Variants in TOX observed in about 807,000 individuals in gnomAD.
The protein encoded by TOX is thymocyte selection associated high mobility group box, also known as thymocyte selection-associated high mobility group box protein TOX.
Under a neutral mutation model 53.7 loss-of-function variants are expected in TOX, and 11 were observed. The ratio of observed to expected loss-of-function variants is 0.20; its 90% CI spans 0.13 to 0.34. TOX has a LOEUF of 0.34. Ranked by LOEUF, TOX falls within the 10% of genes least tolerant of loss-of-function variation. The pLI, the probability that TOX is intolerant of heterozygous loss-of-function variation, is 1.00. For missense variants in TOX, 570 were observed against 664.6 expected, an observed-to-expected ratio of 0.86 and a Z score of 1.56; for synonymous variants, 225 against 245.3, an observed-to-expected ratio of 0.92 and a Z score of 0.77.
At chr8:58,846,658 A>G (rs960230580) in intron 4 of TOX, among the ~76,000 whole-genome samples, 4 of 152,160 alleles carry the variant, frequency 2.6e-5, no homozygotes, top group Non-Finnish European at 5.9e-5. Flanking sequence ...GCAAATTAGT[A>G]ACAAACTCTT....
At chr8:58,832,697 C>G (rs774634948) in intron 5 of TOX, among the ~76,000 whole-genome samples, 2 of 152,180 alleles carry the variant, frequency 1.3e-5, no homozygotes, top group Non-Finnish European at 2.9e-5. Flanking sequence ...ACTATTTACA[C>G]TTGCCACTTC....
rs187277449 is a variant in TOX at position 58,998,402 on chromosome 8, T to C, written c.103-38394A>G. Among the ~76,000 whole-genome samples the C allele has an allele frequency of 1.3e-3, 195 of 148,002 alleles. No homozygotes were observed. The Middle Eastern group carries it at 0.018, about 14-fold the overall frequency. ...TACTCTGGAGGCTGAGACAGGAAAATCGCTTGCAACCAGGAGGCAGAGGTT... is the reference window on the plus strand; with the variant it reads ...TACTCTGGAGGCTGAGACAGGAAAACCGCTTGCAACCAGGAGGCAGAGGTT... On this transcript the variant is annotated intron_variant, in intron 1 of 8. Coordinates refer to ENST00000361421, the MANE Select transcript of TOX (RefSeq NM_014729.3).
chr8:58,890,408 C>T (rs1054685414), intron 3 of TOX, among the ~76,000 whole-genome samples: 2 of 152,010 alleles, frequency 1.3e-5, no homozygotes, highest in Non-Finnish European at 2.9e-5. Flanking sequence ...AAGCAGAAGT[C>T]GGGAAAGTAG....
intron 3 of TOX, among the ~76,000 whole-genome samples, chr8:58,887,951 T>C (rs1811499845): frequency 6.6e-6 from 1 of 152,076 alleles, no homozygotes; most frequent in Non-Finnish European, 1.5e-5. Context: ...AAACACCATA[T>C]AATGTACTTA....
chr8:58,874,980 C>T (rs1235239022), intron 3 of TOX, among the ~76,000 whole-genome samples: 1 of 152,236 alleles, frequency 6.6e-6, no homozygotes, highest in Non-Finnish European at 1.5e-5. Flanking sequence ...TCCTGGGCCA[C>T]ATGTGGCCTG....
At chr8:58,843,966 A>C (rs562823765) in intron 4 of TOX, among the ~76,000 whole-genome samples, 2 of 152,326 alleles carry the variant, frequency 1.3e-5, no homozygotes, top group Non-Finnish European at 2.9e-5. Flanking sequence ...TATGACCACA[A>C]ACTATTTGGG....
At position 58,905,502 on chromosome 8, in the gene TOX, T is replaced by G. The variant is rs75253505; in HGVS notation, c.411+33800A>C. Among the ~76,000 whole-genome samples the G allele has an allele frequency of 2.6e-5, 4 of 152,228 alleles. 1 individual carries two copies. The South Asian group carries it at 8.3e-4, about 31-fold the overall frequency. On this transcript the variant is annotated intron_variant, in intron 3 of 8. Coordinates refer to ENST00000361421, the MANE Select transcript of TOX (RefSeq NM_014729.3). ...AAATGGAAAATACTTCCAACACTTA[T>G]GCTGTCAGAGAGTGACCATGGTCAT...
At chr8:59,054,341 A>G (rs1035943966) in intron 1 of TOX, among the ~76,000 whole-genome samples, 3 of 152,208 alleles carry the variant, frequency 2.0e-5, no homozygotes, top group Non-Finnish European at 4.4e-5. Context: ...AGGCAAGAAA[A>G]CATTTTCAAC....
chr8:58,838,865 C>T (rs1275055843), intron 4 of TOX, among the ~76,000 whole-genome samples: 1 of 151,928 alleles, frequency 6.6e-6, no homozygotes, highest in Non-Finnish European at 1.5e-5. Flanking sequence ...CCACACCTGG[C>T]TAATTTTTTG....
chr8:59,048,000 C>T (rs1803720368), intron 1 of TOX, among the ~76,000 whole-genome samples: 1 of 152,086 alleles, frequency 6.6e-6, no homozygotes, highest in Admixed American at 6.5e-5. Flanking sequence ...GTTAGCAGTC[C>T]TTGATTATTA....
intron 1 of TOX, among the ~76,000 whole-genome samples, chr8:59,029,250 C>T (rs1293316596): frequency 3.3e-5 from 5 of 149,384 alleles, no homozygotes; most frequent in Middle Eastern, 6.8e-3. Context: ...ATGACTTCCA[C>T]TGCCACAAAA....
At chr8:59,047,290 C>T (rs1287057313) in intron 1 of TOX, among the ~76,000 whole-genome samples, 1 of 139,906 alleles carries the variant, frequency 7.1e-6, no homozygotes, top group Non-Finnish European at 1.5e-5. Flanking sequence ...GATCTCGGCT[C>T]ACTGCAAGCT....
At chr8:58,902,371 C>T (rs181641591) in intron 3 of TOX, among the ~76,000 whole-genome samples, 54 of 152,268 alleles carry the variant, frequency 3.5e-4, no homozygotes, top group Admixed American at 5.9e-4. Flanking sequence ...TGATCCAAGT[C>T]AGCAGTTCTA....
chr8:58,950,871 G>C (rs558827060), intron 2 of TOX, among the ~76,000 whole-genome samples: 5 of 152,258 alleles, frequency 3.3e-5, no homozygotes, highest in Admixed American at 6.5e-5. Context: ...GACAAGGGGA[G>C]GGAGGAATCA....
rs184294908 is a variant in TOX at position 59,112,244 on chromosome 8, T to C, written c.102+6642A>G. 3.1e-4 allele frequency among the ~76,000 whole-genome samples: 47 copies of C among 152,288 alleles called. 2 individuals are homozygous for C. Among genetic ancestry groups the C allele is most frequent in the Admixed American group, 2.5e-3 (38 of 15,282 alleles). On this transcript the variant is annotated intron_variant, in intron 1 of 8. Transcript: ENST00000361421. ...AAAATGAATGCTGTAGGGAGAAACA[T>C]GTTATAACCAGGAAAAGCTCATTCA...
chr8:59,021,426 T>C (rs1286954430), intron 1 of TOX, among the ~76,000 whole-genome samples: 1 of 142,184 alleles, frequency 7.0e-6, no homozygotes, highest in African/African-American at 2.6e-5. Context: ...AAAAGGTCAC[T>C]TGTTAAATTT....
intron 3 of TOX, among the ~76,000 whole-genome samples, chr8:58,870,545 T>G (rs1811180719): frequency 6.6e-6 from 1 of 152,100 alleles, no homozygotes; most frequent in African/African-American, 2.4e-5. Context: ...GTTTTGAAAT[T>G]TATATGGAAA....
intron 1 of TOX, among the ~76,000 whole-genome samples, chr8:59,018,486 C>T (rs1366625861): frequency 2.0e-5 from 3 of 152,124 alleles, no homozygotes; most frequent in Admixed American, 1.3e-4. Context: ...TAGTATGTCA[C>T]GCTCCAATAG....
intron 7 of TOX, among the ~76,000 whole-genome samples, chr8:58,811,314 G>A (rs1412459322): frequency 1.3e-5 from 2 of 152,186 alleles, no homozygotes; most frequent in Admixed American, 1.3e-4. Flanking sequence ...CTGTTTTGTA[G>A]CATGCCTGGA....
Sources: allele counts gnomAD v4.1 joint callset (sites outside exome capture counted in the v4.1 genomes callset), GRCh38; gene constraint gnomAD v4.1.1; transcripts MANE v1.5; gene names NCBI Gene and HGNC (gene_info 2026-07-23, HGNC 2026-07-21).